TRABD2B: variants seen among roughly 807,000 people sequenced by gnomAD.
The protein encoded by TRABD2B is TraB domain containing 2B, also known as metalloprotease TIKI2.
In TRABD2B, 14 loss-of-function variants were observed where a neutral mutation model predicts 40.1. That is an observed-to-expected ratio of 0.35 (90% CI 0.23 to 0.55). The LOEUF is 0.55. TRABD2B is among the 20% of genes least tolerant of loss of function. The pLI, the probability that TRABD2B is intolerant of heterozygous loss-of-function variation, is 0.90. For synonymous variants in TRABD2B, 263 were observed against 277.0 expected, an observed-to-expected ratio of 0.95 and a Z score of 0.50; for missense variants, 541 against 648.6, an observed-to-expected ratio of 0.83 and a Z score of 1.80.
intron 5 of TRABD2B, 51 bp from the exon 6 acceptor site, chr1:47,775,490 A>G: frequency 3.2e-6 from 4 of 1,232,070 alleles, no homozygotes; most frequent in Non-Finnish European, 4.1e-6. Context: ...AATGTCATCC[A>G]TGTGTGGTGG....
intron 6 of TRABD2B, among the ~76,000 whole-genome samples, chr1:47,769,039 C>T (rs779681266): frequency 9.9e-5 from 15 of 152,184 alleles, no homozygotes; most frequent in Non-Finnish European, 1.6e-4. Flanking sequence ...ATCTCTCAAA[C>T]CCGCAGATGG....
intron 2 of TRABD2B, among the ~76,000 whole-genome samples, chr1:47,847,235 G>T (rs902920525): frequency 6.6e-6 from 1 of 152,168 alleles, no homozygotes; most frequent in Non-Finnish European, 1.5e-5. Context: ...TCTGCAGTGG[G>T]TCATTCCTAG....
At chr1:47,776,889 T>C (rs1557558185) in intron 5 of TRABD2B, among the ~76,000 whole-genome samples, 1 of 152,154 alleles carries the variant, frequency 6.6e-6, no homozygotes, top group Non-Finnish European at 1.5e-5. Context: ...CCGCAGCTGC[T>C]GGGGAGATAA....
chr1:47,922,684 A>G (rs1287383802), intron 2 of TRABD2B, among the ~76,000 whole-genome samples: 2 of 152,130 alleles, frequency 1.3e-5, no homozygotes, highest in Non-Finnish European at 2.9e-5. Flanking sequence ...GATCACACAC[A>G]ATGCTCTGTT....
chr1:47,911,329 C>A (rs577016900), intron 2 of TRABD2B, among the ~76,000 whole-genome samples: 1 of 152,278 alleles, frequency 6.6e-6, no homozygotes, highest in South Asian at 2.1e-4. Context: ...CCTGGGGAGA[C>A]ACCATGCCAA....
intron 2 of TRABD2B, among the ~76,000 whole-genome samples, chr1:47,843,728 G>A (rs1170089935): frequency 1.3e-5 from 2 of 152,274 alleles, no homozygotes; most frequent in Middle Eastern, 3.4e-3. Context: ...AGACAGAGGG[G>A]TGGCCCGAAA....
chr1:47,909,463 AGAAGGG>A (rs1557650834), intron 2 of TRABD2B, among the ~76,000 whole-genome samples: 17 of 134,048 alleles, frequency 1.3e-4, no homozygotes, highest in Admixed American at 1.1e-3. Flanking sequence ...AAGGAGAAGG[AGAAGGG>A]GAAGGAGAAG....
chr1:47,801,741 G>A, intron 2 of TRABD2B, 122 bp from the exon 3 acceptor site: 2 of 1,170,340 alleles, frequency 1.7e-6, no homozygotes, highest in Non-Finnish European at 2.3e-6. Context: ...GGTGTGTGGG[G>A]CTGGCACCAG....
chr1:47,892,746 G>C (rs1644465305), intron 2 of TRABD2B, among the ~76,000 whole-genome samples: 1 of 152,212 alleles, frequency 6.6e-6, no homozygotes, highest in Non-Finnish European at 1.5e-5. Flanking sequence ...CTATGTGAAT[G>C]AATGGTGAGG....
intron 2 of TRABD2B, among the ~76,000 whole-genome samples, chr1:47,869,084 C>T (rs534558571): frequency 6.6e-6 from 1 of 152,206 alleles, no homozygotes; most frequent in Admixed American, 6.5e-5. Context: ...TTATGCTCAT[C>T]CTCTACCTGT....
intron 2 of TRABD2B, among the ~76,000 whole-genome samples, chr1:47,850,852 T>C (rs1471348623): frequency 6.6e-6 from 1 of 151,932 alleles, no homozygotes; most frequent in South Asian, 2.1e-4. Flanking sequence ...GACTCGGGGG[T>C]TGGGAGATGG....
intron 2 of TRABD2B, among the ~76,000 whole-genome samples, chr1:47,872,701 C>T (rs1043275192): frequency 3.3e-5 from 5 of 152,100 alleles, no homozygotes; most frequent in East Asian, 3.9e-4. Context: ...AATCCTTATA[C>T]GTTATTTACC....
At chr1:47,779,808 T>G (rs1263120139) in intron 4 of TRABD2B, among the ~76,000 whole-genome samples, 1 of 152,160 alleles carries the variant, frequency 6.6e-6, no homozygotes, top group Non-Finnish European at 1.5e-5. Flanking sequence ...CCCTGCACTA[T>G]TCCTCTAATT....
At chr1:47,796,456 T>A (rs1326839495) in intron 3 of TRABD2B, among the ~76,000 whole-genome samples, 5 of 152,198 alleles carry the variant, frequency 3.3e-5, no homozygotes, top group Admixed American at 3.3e-4. Context: ...GCCACATGGC[T>A]TCTAGAGCCA....
At chr1:47,979,402 T>A (rs193275539) in intron 2 of TRABD2B, among the ~76,000 whole-genome samples, 92 of 152,332 alleles carry the variant, frequency 6.0e-4, no homozygotes, top group Admixed American at 4.9e-3. Context: ...CAATAACATT[T>A]AAAATGCCAC....
chr1:47,919,693 G>A (rs1557657560), intron 2 of TRABD2B, among the ~76,000 whole-genome samples: 1 of 152,232 alleles, frequency 6.6e-6, no homozygotes, highest in Non-Finnish European at 1.5e-5. Flanking sequence ...ATCACTCAAG[G>A]GAAGAGAACT....
chr1:47,794,451 G>T, intron 4 of TRABD2B, 135 bp downstream of exon 4: 4 of 941,886 alleles, frequency 4.2e-6, no homozygotes, highest in Admixed American at 3.7e-5. Flanking sequence ...TCTCGGTGCT[G>T]CTGCTAAGCA....
chr1:47,962,219 G>T (rs951173353), intron 2 of TRABD2B, among the ~76,000 whole-genome samples: 1 of 150,066 alleles, frequency 6.7e-6, no homozygotes, highest in African/African-American at 2.4e-5. Context: ...GTTGTGGGGT[G>T]GGGGGATGGG....
At chr1:47,923,932 AC>A (rs1294756239) in intron 2 of TRABD2B, among the ~76,000 whole-genome samples, 1 of 119,662 alleles carries the variant, frequency 8.4e-6, no homozygotes, top group Admixed American at 9.6e-5. Flanking sequence ...ACACACACAC[AC>A]ACACACACAC....
Sources: gnomAD v4.1 joint callset for allele counts (sites outside exome capture counted in the v4.1 genomes callset) on GRCh38, gnomAD v4.1.1 for gene constraint, MANE v1.5 for transcripts, NCBI Gene and HGNC (gene_info 2026-07-23, HGNC 2026-07-21) for gene names.